The following NKAIN3 variants were observed in gnomAD, a reference collection of about 807,000 sequenced individuals.
NKAIN3 encodes sodium/potassium-transporting ATPase subunit beta-1-interacting protein 3.
In NKAIN3, 25 loss-of-function variants were observed where a neutral mutation model predicts 30.2. That is an observed-to-expected ratio of 0.83 (90% CI 0.60 to 1.16). The LOEUF (loss-of-function observed/expected upper bound fraction) is 1.16, where lower values mean the gene tolerates loss of function less well. NKAIN3 is among the 50% of genes most tolerant of loss of function. The probability of loss-of-function intolerance (pLI) is 0.00; values close to 1 mark genes in which losing one functional copy is unlikely to be tolerated. For missense variants in NKAIN3, 225 were observed against 254.1 expected, an observed-to-expected ratio of 0.89 and a Z score of 0.78; for synonymous variants, 91 against 89.6, an observed-to-expected ratio of 1.02 and a Z score of -0.09.
chr8:62,962,530 A>G (rs1269514033), intron 6 of NKAIN3, among the ~76,000 whole-genome samples: 2 of 152,224 alleles, frequency 1.3e-5, no homozygotes, highest in African/African-American at 4.8e-5. Flanking sequence ...CAACCTCTAC[A>G]CTTTTGACTT....
At chr8:62,262,727 G>A (rs375492045) in intron 1 of NKAIN3, among the ~76,000 whole-genome samples, 2 of 152,224 alleles carry the variant, frequency 1.3e-5, no homozygotes, top group Non-Finnish European at 2.9e-5. Flanking sequence ...CTTCCCGCAC[G>A]TGGTTCTGTT....
At chr8:62,516,982 T>C (rs189707164) in intron 1 of NKAIN3, among the ~76,000 whole-genome samples, 5 of 152,286 alleles carry the variant, frequency 3.3e-5, no homozygotes, top group Admixed American at 6.5e-5. Flanking sequence ...GACATCCGAT[T>C]ATAAATCTTT....
At chr8:62,433,267 A>G (rs1172010154) in intron 1 of NKAIN3, among the ~76,000 whole-genome samples, 1 of 152,152 alleles carries the variant, frequency 6.6e-6, no homozygotes, top group Non-Finnish European at 1.5e-5. Flanking sequence ...TACTAAGTTT[A>G]TTACCTCAAG....
At chr8:62,331,091 C>T (rs989207011) in intron 1 of NKAIN3, among the ~76,000 whole-genome samples, 7 of 151,014 alleles carry the variant, frequency 4.6e-5, no homozygotes. Flanking sequence ...CTCTCTCTCT[C>T]TCCATATATA....
chr8:62,626,491 A>G (rs984853702), intron 3 of NKAIN3, among the ~76,000 whole-genome samples: 3 of 152,120 alleles, frequency 2.0e-5, no homozygotes, highest in Non-Finnish European at 4.4e-5. Context: ...AATTTATTCC[A>G]GAAGTCCTAT....
chr8:62,471,602 C>T (rs991662932), intron 1 of NKAIN3, among the ~76,000 whole-genome samples: 1 of 152,152 alleles, frequency 6.6e-6, no homozygotes, highest in Non-Finnish European at 1.5e-5. Context: ...GAAAAGATAT[C>T]AAATTTCAGC....
rs1446405393 is a variant in NKAIN3 at position 62,802,019 on chromosome 8, G to A, written c.471+54890G>A. Among the ~76,000 whole-genome samples the A allele has an allele frequency of 2.0e-5, 3 of 152,158 alleles. No individual in the cohort carries two copies. In the South Asian group the frequency reaches 6.2e-4, roughly 31 times the overall value. On this transcript the variant is annotated intron_variant, in intron 4 of 6. Transcript: ENST00000623646. ...TGATCAACTGGAAGAAAGGGTATCA[G>A]TGATGGAAGATGAAATGATTGAAAT...
chr8:62,499,867 T>G (rs1179523420), intron 1 of NKAIN3, among the ~76,000 whole-genome samples: 2 of 152,158 alleles, frequency 1.3e-5, no homozygotes, highest in Admixed American at 1.3e-4. Context: ...CTTTCTTTTT[T>G]TTTCTTTTTG....
chr8:62,887,892 T>G (rs1291118085), intron 4 of NKAIN3, among the ~76,000 whole-genome samples: 1 of 152,212 alleles, frequency 6.6e-6, no homozygotes. Context: ...CTCTGATACT[T>G]CCTTTGTCTC....
At chr8:62,519,954 A>T (rs928033248) in intron 1 of NKAIN3, among the ~76,000 whole-genome samples, 5 of 152,090 alleles carry the variant, frequency 3.3e-5, no homozygotes, top group Admixed American at 6.6e-5. Flanking sequence ...GTCCTGATGG[A>T]CTCGCAAAAT....
At chr8:62,284,081 C>T (rs570744186) in intron 1 of NKAIN3, among the ~76,000 whole-genome samples, 150 of 152,134 alleles carry the variant, frequency 9.9e-4, no homozygotes, top group South Asian at 6.6e-3. Flanking sequence ...ACCACATAGC[C>T]GAGAATGTCA....
intron 4 of NKAIN3, among the ~76,000 whole-genome samples, chr8:62,854,184 G>A (rs1465611285): frequency 6.6e-6 from 1 of 152,138 alleles, no homozygotes; most frequent in East Asian, 1.9e-4. Flanking sequence ...TGTTGTTTTG[G>A]GGTGGAGAGT....
rs542675080 is a variant in NKAIN3 at position 62,679,927 on chromosome 8, C to T, written c.274-67005C>T. ...TCGCAGGTATAATAAAGTTCAGGGACCTTAAATAATAATCCTGGATTATCT... is the reference window on the plus strand; with the variant it reads ...TCGCAGGTATAATAAAGTTCAGGGATCTTAAATAATAATCCTGGATTATCT... On this transcript the variant is annotated intron_variant, in intron 3 of 6. Transcript: ENST00000623646. 9.9e-5 allele frequency among the ~76,000 whole-genome samples: 15 copies of T among 152,146 alleles called. No homozygotes were observed. In the South Asian group the frequency reaches 3.1e-3, roughly 32 times the overall value.
At chr8:62,651,939 T>C (rs1432519236) in intron 3 of NKAIN3, among the ~76,000 whole-genome samples, 1 of 152,154 alleles carries the variant, frequency 6.6e-6, no homozygotes, top group East Asian at 1.9e-4. Context: ...AAGCAGATGC[T>C]GGTGCCATGC....
chr8:62,260,023 A>C (rs901981423), intron 1 of NKAIN3, among the ~76,000 whole-genome samples: 1 of 152,104 alleles, frequency 6.6e-6, no homozygotes, highest in Non-Finnish European at 1.5e-5. Context: ...CATTTTTTGC[A>C]TAGAGTAGCA....
intron 1 of NKAIN3, among the ~76,000 whole-genome samples, chr8:62,313,276 C>T (rs1228584916): frequency 6.6e-6 from 1 of 152,122 alleles, no homozygotes; most frequent in Non-Finnish European, 1.5e-5. Context: ...TCAAGAATTT[C>T]CTTTAGGAAA....
Position 62,656,014 on chromosome 8 carries a change from G to C in NKAIN3, c.273+66220G>C, listed in dbSNP as rs557367139. Among the ~76,000 whole-genome samples, 39 of 152,022 alleles carry C rather than the reference G, an allele frequency of 2.6e-4. No homozygotes were observed. In the South Asian group the frequency reaches 7.3e-3, roughly 28 times the overall value. On this transcript the variant is annotated intron_variant, in intron 3 of 6. Transcript: ENST00000623646. Reference sequence around the variant, plus strand: ...TGAAATTAAACAAGAATCATCTCTGGCCAAACCTCATGTCCTTATCCCCCA... The same window carrying C: ...TGAAATTAAACAAGAATCATCTCTGCCCAAACCTCATGTCCTTATCCCCCA...
At chr8:62,624,148 A>T (rs1811715911) in intron 3 of NKAIN3, among the ~76,000 whole-genome samples, 1 of 152,054 alleles carries the variant, frequency 6.6e-6, no homozygotes, top group Non-Finnish European at 1.5e-5. Context: ...GGTTACTTTC[A>T]TCATCAACTT....
rs187749820 is a variant in NKAIN3 at position 62,808,922 on chromosome 8, G to A, written c.471+61793G>A. The stretch of plus-strand genomic sequence containing the variant: ...TCCTCATCCTAATAGGCCTGGGAGC[G>A]CTACGGGAGACCAGGGCTTATTTCA... On this transcript the variant is annotated intron_variant, in intron 4 of 6. Transcript: ENST00000623646. Among the ~76,000 whole-genome samples the A allele has an allele frequency of 4.1e-3, 631 of 152,232 alleles. 2 individuals carry two copies. Among genetic ancestry groups the A allele is most frequent in the Non-Finnish European group, 7.4e-3 (504 of 68,014 alleles).
Sources: gnomAD v4.1 joint callset for allele counts (sites outside exome capture counted in the v4.1 genomes callset) on GRCh38, gnomAD v4.1.1 for gene constraint, MANE v1.5 for transcripts, NCBI Gene and HGNC (gene_info 2026-07-23, HGNC 2026-07-21) for gene names.